MAML3: variants seen among roughly 807,000 people sequenced by gnomAD.
MAML3 encodes the protein mastermind-like protein 3.
In MAML3, 27 loss-of-function variants were observed where a neutral mutation model predicts 101.9. The observed-to-expected ratio is 0.27, with a 90% CI of 0.20 to 0.37. MAML3 has a LOEUF of 0.37. Among genes scored for constraint, MAML3 ranks in the 10% least tolerant of loss-of-function variants. The pLI is 1.00. For synonymous variants in MAML3, 501 were observed against 555.9 expected (o/e 0.90, Z 1.39); for missense variants, 1,316 against 1,444.9 (o/e 0.91, Z 1.45).
intron 1 of MAML3, among the ~76,000 whole-genome samples, chr4:139,965,355 A>G (rs951267796): frequency 9.9e-5 from 15 of 152,064 alleles, no homozygotes; most frequent in African/African-American, 3.6e-4. Flanking sequence ...TTTTCCTACT[A>G]TTATAAGCTC....
At chr4:139,873,706 C>T (rs1481246203) in intron 2 of MAML3, among the ~76,000 whole-genome samples, 1 of 152,138 alleles carries the variant, frequency 6.6e-6, no homozygotes, top group Non-Finnish European at 1.5e-5. Context: ...ACTGAGGCCT[C>T]CAGTCAGCAG....
chr4:139,907,852 A>T (rs1291533509), intron 1 of MAML3, among the ~76,000 whole-genome samples: 1 of 152,182 alleles, frequency 6.6e-6, no homozygotes, highest in Non-Finnish European at 1.5e-5. Context: ...ACCGTGAATG[A>T]TTTTGAGTAA....
chr4:139,811,800 C>T (rs795991), intron 2 of MAML3, among the ~76,000 whole-genome samples: 129,459 of 152,190 alleles, frequency 0.85, 55,037 homozygotes, highest in South Asian at 0.89. Flanking sequence ...CAAAACTCTA[C>T]ATATTAAGTG....
At chr4:139,807,858 A>T (rs535327417) in intron 2 of MAML3, among the ~76,000 whole-genome samples, 1 of 151,930 alleles carries the variant, frequency 6.6e-6, no homozygotes, top group South Asian at 2.1e-4. Flanking sequence ...TATAGCCCAT[A>T]CATGATACAC....
chr4:139,796,731 C>A (rs113046943), intron 2 of MAML3, among the ~76,000 whole-genome samples: 8 of 152,066 alleles, frequency 5.3e-5, no homozygotes, highest in African/African-American at 1.9e-4. Context: ...CTAGTTCTAC[C>A]CCTCTACACC....
At chr4:139,854,479 G>A (rs1261026737) in intron 2 of MAML3, among the ~76,000 whole-genome samples, 1 of 149,502 alleles carries the variant, frequency 6.7e-6, no homozygotes, top group African/African-American at 2.5e-5. Context: ...CATATATTGA[G>A]GGGACTGGAT....
intron 1 of MAML3, among the ~76,000 whole-genome samples, chr4:139,926,166 G>A (rs889110029): frequency 1.3e-5 from 2 of 152,126 alleles, no homozygotes; most frequent in Non-Finnish European, 2.9e-5. Context: ...TGCTCACGCT[G>A]TCAGACCCAT....
chr4:140,092,029 T>C (rs568379739), intron 1 of MAML3, among the ~76,000 whole-genome samples: 3 of 149,000 alleles, frequency 2.0e-5, no homozygotes, highest in Admixed American at 2.0e-4. Context: ...CATTGCTCTA[T>C]CTAGCTTATA....
rs1578645078 is a variant in MAML3 at position 139,882,281 on chromosome 4, C to A, written c.2079+7076G>T. Among the ~76,000 whole-genome samples the A allele has an allele frequency of 2.6e-5, 4 of 151,246 alleles. No individual in the cohort carries two copies. In the East Asian group the frequency reaches 7.8e-4, roughly 29 times the overall value. ...AGAGAGAAATTACCAAAGAAATAAT[C>A]TAAGAACATATCCAAGATCTTAAGG... On this transcript the variant is annotated intron_variant, in intron 2 of 4. Coordinates refer to ENST00000509479, the MANE Select transcript of MAML3 (RefSeq NM_018717.5).
rs1380263935 is a variant in MAML3, at chr4:140,035,405, A to G, written c.468+117455T>C. Among the ~76,000 whole-genome samples the G allele has an allele frequency of 2.6e-5, 4 of 152,200 alleles. No homozygotes were observed. The East Asian group carries it at 5.8e-4, about 22-fold the overall frequency. On this transcript the variant is annotated intron_variant, in intron 1 of 4. Coordinates refer to ENST00000509479, the MANE Select transcript of MAML3 (RefSeq NM_018717.5). ...CAGGTTTTCCTCCTTGTTTTATCCA[A>G]TAGTATAATTACTGCAATCATCACT...
intron 1 of MAML3, among the ~76,000 whole-genome samples, chr4:140,148,055 A>G (rs1466731415): frequency 6.6e-6 from 1 of 152,180 alleles, no homozygotes; most frequent in African/African-American, 2.4e-5. Flanking sequence ...ATAACTCCAT[A>G]TAACTCTATT....
At chr4:140,136,867 A>G (rs994892828) in intron 1 of MAML3, among the ~76,000 whole-genome samples, 2 of 152,284 alleles carry the variant, frequency 1.3e-5, no homozygotes, top group African/African-American at 4.8e-5. Flanking sequence ...TTAAAGGGCT[A>G]TGTGAACAAC....
chr4:139,890,209 T>A lies in MAML3; in HGVS notation c.1227A>T (p.Ser409=). 6.2e-7 allele frequency: 1 copy of A among 1,613,402 alleles called. No individual in the cohort carries two copies. The highest frequency in any genetic ancestry group is 8.5e-7 in the Non-Finnish European group (1 of 1,179,856). ...STPAAPNPAS[S]PANCAVQSPQ... is the part of the protein sequence containing the mutation. ...GGGACTGGACAGCACAGTTTGCTGG[T>A]GAGCTTGCAGGGTTTGGAGCTGCGG... The change falls in exon 2 of 5, where the codon TCA becomes TCT. Residue 409 remains serine (S), a synonymous_variant. Coordinates refer to ENST00000509479, the MANE Select transcript of MAML3 (RefSeq NM_018717.5). The surrounding 1 kb of genome is among the most constrained non-coding windows in gnomAD (Gnocchi z 4.1).
chr4:139,924,891 A>T (rs927186752), intron 1 of MAML3, among the ~76,000 whole-genome samples: 3 of 152,212 alleles, frequency 2.0e-5, no homozygotes, highest in Non-Finnish European at 4.4e-5. Flanking sequence ...AGAATGCTTC[A>T]TGAGAAATAA....
chr4:140,013,698 T>C (rs1385031108), intron 1 of MAML3, among the ~76,000 whole-genome samples: 2 of 152,228 alleles, frequency 1.3e-5, no homozygotes, highest in Non-Finnish European at 2.9e-5. Flanking sequence ...AAAAGCCTGA[T>C]TCCAATCCAA....
At chr4:139,981,608 AT>A (rs1456438790) in intron 1 of MAML3, among the ~76,000 whole-genome samples, 1 of 152,130 alleles carries the variant, frequency 6.6e-6, no homozygotes, top group Admixed American at 6.5e-5. Flanking sequence ...GATTTTCTTC[AT>A]TTTTACCTAA....
chr4:139,744,218 T>A (rs2111028848), intron 2 of MAML3, among the ~76,000 whole-genome samples: 1 of 152,336 alleles, frequency 6.6e-6, no homozygotes, highest in Middle Eastern at 3.4e-3. Context: ...TAATAGAGGT[T>A]CAGGGATCTG....
At chr4:140,061,429 T>C (rs1288784678) in intron 1 of MAML3, among the ~76,000 whole-genome samples, 3 of 152,182 alleles carry the variant, frequency 2.0e-5, no homozygotes, top group African/African-American at 2.4e-5. Flanking sequence ...ACAGCTAAGA[T>C]TGGCAGGAAA....
chr4:139,973,354 A>C (rs983056272), intron 1 of MAML3, among the ~76,000 whole-genome samples: 1 of 152,310 alleles, frequency 6.6e-6, no homozygotes, highest in South Asian at 2.1e-4. Context: ...CGCTTTCCCT[A>C]CTTCAGTCCA....
Sources: allele counts gnomAD v4.1 joint callset (sites outside exome capture counted in the v4.1 genomes callset), GRCh38; gene constraint gnomAD v4.1.1; non-coding constraint Gnocchi (gnomAD v3.1); transcripts MANE v1.5; gene names NCBI Gene and HGNC (gene_info 2026-07-23, HGNC 2026-07-21).